The following TUSC3 variants were observed in gnomAD, a reference collection of about 807,000 sequenced individuals.
TUSC3 encodes tumor suppressor candidate 3, also known as dolichyl-diphosphooligosaccharide--protein glycosyltransferase subunit TUSC3.
TUSC3 carries 45 observed loss-of-function variants against 44.8 expected under a neutral mutation model. That is an observed-to-expected ratio of 1.00 (90% CI 0.79 to 1.29). The LOEUF is 1.29. TUSC3 is among the 50% of genes most tolerant of loss of function. The pLI, the probability that TUSC3 is intolerant of heterozygous loss-of-function variation, is 0.00. For missense variants in TUSC3, 519 were observed against 437.9 expected (o/e 1.19, Z -1.65); for synonymous variants, 212 against 152.9 (o/e 1.39, Z -2.85).
At chr8:15,523,545 G>T (rs1313221636) in intron 2 of TUSC3, among the ~76,000 whole-genome samples, 1 of 150,694 alleles carries the variant, frequency 6.6e-6, no homozygotes, top group African/African-American at 2.5e-5. Flanking sequence ...TCTAATAATA[G>T]CATGTTAAAT....
At chr8:15,724,344 A>T (rs1810418139) in intron 6 of TUSC3, among the ~76,000 whole-genome samples, 1 of 152,142 alleles carries the variant, frequency 6.6e-6, no homozygotes, top group Non-Finnish European at 1.5e-5. Flanking sequence ...AATAAACTGA[A>T]TCTGTCATGC....
intron 6 of TUSC3, among the ~76,000 whole-genome samples, chr8:15,675,446 TC>T (rs1808143123): frequency 2.0e-5 from 3 of 152,068 alleles, no homozygotes; most frequent in Admixed American, 2.0e-4. Context: ...CTTTTTTTTT[TC>T]TTTGGTTGTT....
chr8:15,826,705 G>T, the TUSC3 span, among the ~76,000 whole-genome samples: 1 of 152,118 alleles, frequency 6.6e-6, no homozygotes, highest in African/African-American at 2.4e-5. Flanking sequence ...ACCATCACCT[G>T]CATAGAACAG....
At chr8:15,718,932 A>G (rs1486216981) in intron 6 of TUSC3, among the ~76,000 whole-genome samples, 1 of 152,060 alleles carries the variant, frequency 6.6e-6, no homozygotes, top group Non-Finnish European at 1.5e-5. Context: ...AAATATGTAC[A>G]TATATATGTA....
At chr8:15,848,511 C>T in the TUSC3 span, among the ~76,000 whole-genome samples, 1 of 152,160 alleles carries the variant, frequency 6.6e-6, no homozygotes, top group South Asian at 2.1e-4. Flanking sequence ...GAACAGACCC[C>T]ATCTATCCCA....
the TUSC3 span, among the ~76,000 whole-genome samples, chr8:15,797,407 G>C: frequency 3.3e-5 from 5 of 152,040 alleles, no homozygotes; most frequent in Admixed American, 2.0e-4. Context: ...TGATGCCAGA[G>C]GGACTTAGCA....
chr8:15,691,479 T>C (rs547590046), intron 6 of TUSC3, among the ~76,000 whole-genome samples: 1 of 152,294 alleles, frequency 6.6e-6, no homozygotes, highest in East Asian at 1.9e-4. Flanking sequence ...CTTCCTCTCT[T>C]TTTATTTTGA....
At chr8:15,809,185 G>A in the TUSC3 span, among the ~76,000 whole-genome samples, 1 of 152,120 alleles carries the variant, frequency 6.6e-6, no homozygotes, top group Non-Finnish European at 1.5e-5. Flanking sequence ...CAGGGCAAGA[G>A]GTAACTGATG....
intron 1 of TUSC3, among the ~76,000 whole-genome samples, chr8:15,576,034 A>G (rs977216248): frequency 1.3e-5 from 2 of 151,892 alleles, no homozygotes; most frequent in Admixed American, 6.6e-5. Context: ...TTCCTTTTGA[A>G]ATTTAGAAGT....
At chr8:15,421,391 T>A (rs187627715) in intron 1 of TUSC3, among the ~76,000 whole-genome samples, 2 of 152,110 alleles carry the variant, frequency 1.3e-5, no homozygotes, top group African/African-American at 2.4e-5. Flanking sequence ...GTAGTAACTC[T>A]CTCTTGCTGC....
At chr8:15,444,818 A>C (rs1460219148) in intron 1 of TUSC3, among the ~76,000 whole-genome samples, 1 of 152,224 alleles carries the variant, frequency 6.6e-6, no homozygotes, top group African/African-American at 2.4e-5. Flanking sequence ...CCAGTGAGGC[A>C]AGTGGATACT....
chr8:15,520,665 C>G (rs113935078), intron 2 of TUSC3, among the ~76,000 whole-genome samples: 1 of 152,192 alleles, frequency 6.6e-6, no homozygotes, highest in African/African-American at 2.4e-5. Flanking sequence ...ACAGGTTTAA[C>G]TCCTCCATAG....
At chr8:15,759,821 C>T (rs1015036714) in intron 10 of TUSC3, among the ~76,000 whole-genome samples, 5 of 152,140 alleles carry the variant, frequency 3.3e-5, no homozygotes, top group African/African-American at 9.7e-5. Flanking sequence ...CACCTCACTA[C>T]GTTAAAAAAT....
chr8:15,695,357 C>G (rs1305889811), intron 6 of TUSC3, among the ~76,000 whole-genome samples: 1 of 152,204 alleles, frequency 6.6e-6, no homozygotes, highest in African/African-American at 2.4e-5. Flanking sequence ...TGCATTAACT[C>G]TCTCTTGCCA....
intron 2 of TUSC3, among the ~76,000 whole-genome samples, chr8:15,496,087 T>C (rs190737463): frequency 3.3e-5 from 5 of 152,296 alleles, no homozygotes; most frequent in African/African-American, 9.6e-5. Flanking sequence ...CTTTGTCCTG[T>C]AGAGGAAAGC....
chr8:15,455,498 G>C (rs974372738), intron 1 of TUSC3, among the ~76,000 whole-genome samples: 14 of 151,910 alleles, frequency 9.2e-5, no homozygotes, highest in African/African-American at 3.4e-4. Flanking sequence ...CATACCTATA[G>C]ACATGTATAT....
At chr8:15,440,872 G>A (rs1177060050) in intron 1 of TUSC3, among the ~76,000 whole-genome samples, 1 of 152,126 alleles carries the variant, frequency 6.6e-6, no homozygotes, top group Admixed American at 6.5e-5. Context: ...TGCCTCCCCA[G>A]ATAGAGAGCT....
chr8:15,760,531 G>C (rs183535172), intron 10 of TUSC3, among the ~76,000 whole-genome samples: 68 of 152,224 alleles, frequency 4.5e-4, no homozygotes, highest in Non-Finnish European at 6.9e-4. Flanking sequence ...GTCTGTGTTA[G>C]TTTATCCTAC....
intron 6 of TUSC3, among the ~76,000 whole-genome samples, chr8:15,709,211 C>T: frequency 6.6e-6 from 1 of 151,814 alleles, no homozygotes; most frequent in East Asian, 1.9e-4. Flanking sequence ...AATTTGTATT[C>T]ACTGCACAAA....
Sources: allele counts gnomAD v4.1 joint callset (sites outside exome capture counted in the v4.1 genomes callset), GRCh38; gene constraint gnomAD v4.1.1; transcripts MANE v1.5; gene names NCBI Gene and HGNC (gene_info 2026-07-23, HGNC 2026-07-21).